The following WASHC5 variants were observed in gnomAD, a reference collection of about 807,000 sequenced individuals.
The protein encoded by WASHC5 is WASH complex subunit strumpellin.
In WASHC5, 101 loss-of-function variants were observed where a neutral mutation model predicts 150.4. The ratio of observed to expected loss-of-function variants is 0.67; its 90% CI spans 0.57 to 0.79. WASHC5 has a LOEUF of 0.79. Among genes scored for constraint, WASHC5 ranks in the 30% least tolerant of loss-of-function variants. The pLI is 0.00. For missense variants in WASHC5, 1,195 were observed against 1,396.3 expected (o/e 0.86, Z 2.30); for synonymous variants, 467 against 491.2 (o/e 0.95, Z 0.65).
At chr8:125,034,318 G>T (rs1815632199) in intron 26 of WASHC5, among the ~76,000 whole-genome samples, 1 of 152,046 alleles carries the variant, frequency 6.6e-6, no homozygotes, top group Admixed American at 6.5e-5. Context: ...TGGCCAACAT[G>T]GTGAAACCTG....
chr8:125,070,249 T>C (rs151157359), intron 9 of WASHC5, among the ~76,000 whole-genome samples: 3 of 152,248 alleles, frequency 2.0e-5, no homozygotes, highest in Non-Finnish European at 2.9e-5. Flanking sequence ...CTGAACACCA[T>C]GACTGAAATT....
rs767585789 is a variant in WASHC5, at chr8:125,063,513, A to C, written c.1408+9T>G. The C allele has an allele frequency of 3.1e-6, 5 of 1,613,474 alleles. No homozygotes were observed. Among genetic ancestry groups the C allele is most frequent in the Non-Finnish European group, 8.5e-7 (1 of 1,179,610 alleles). On this transcript the variant is annotated intron_variant, in intron 11 of 28. Transcript: ENST00000318410. ...CCAAACACACCAGTATTTCCTCTTC[A>C]GTAATTACCATTTTTCTCCACTCTG...
At chr8:125,039,516 C>A (rs914083140) in intron 24 of WASHC5, among the ~76,000 whole-genome samples, 7 of 152,138 alleles carry the variant, frequency 4.6e-5, no homozygotes, top group Non-Finnish European at 8.8e-5. Flanking sequence ...CTAATGAATT[C>A]ATTTGTTCAG....
In WASHC5 at chr8:125,056,777, A is replaced by C; in HGVS notation, c.1916T>G (p.Leu639Arg). The change falls in exon 16 of 29, where the codon CTA becomes CGA. Residue 639 changes from leucine (L) to arginine (R), a missense_variant. By Grantham distance (102) the Leu-to-Arg change is moderately radical (BLOSUM62 -2). Around this residue, in one of 3 missense-constraint regions of WASHC5, gnomAD observed 997 missense variants for 1,168.1 expected, o/e 0.85. Coordinates refer to ENST00000318410, the MANE Select transcript of WASHC5 (RefSeq NM_014846.4). ...IIPESMFTSL[L>R]KIIKLQTHDI... ...GTGGGTCTGAAGCTTTATGATCTTT[A>C]GAAGAGATGTAAACATGCTTTCTGG... The C allele has an allele frequency of 3.1e-6, 5 of 1,614,204 alleles. No individual in the cohort carries two copies. Among genetic ancestry groups the C allele is most frequent in the Non-Finnish European group, 4.2e-6 (5 of 1,180,018 alleles).
At chr8:125,041,317 A>G (rs1189490512) in intron 23 of WASHC5, among the ~76,000 whole-genome samples, 3 of 152,200 alleles carry the variant, frequency 2.0e-5, no homozygotes, top group African/African-American at 7.2e-5. Flanking sequence ...AGGTGGAAAT[A>G]AATGCATTTC....
chr8:125,030,350 A>G (rs541304420), intron 27 of WASHC5, among the ~76,000 whole-genome samples: 5 of 152,206 alleles, frequency 3.3e-5, no homozygotes, highest in African/African-American at 1.2e-4. Flanking sequence ...TTCATTTTTG[A>G]GACTTTGAGT....
intron 10 of WASHC5, 112 bp downstream of exon 10, chr8:125,067,480 A>C: frequency 1.1e-6 from 1 of 939,726 alleles, no homozygotes; most frequent in Non-Finnish European, 1.7e-6. Context: ...CAACAGCTCA[A>C]ATCTGTACCT....
At chr8:125,077,861 C>A (rs1316292885) in intron 6 of WASHC5, among the ~76,000 whole-genome samples, 1 of 152,016 alleles carries the variant, frequency 6.6e-6, no homozygotes, top group Non-Finnish European at 1.5e-5. Flanking sequence ...ATTATGGAGA[C>A]CTGGCATCTG....
intron 28 of WASHC5, among the ~76,000 whole-genome samples, chr8:125,026,527 G>A (rs770959711): frequency 6.6e-6 from 1 of 151,724 alleles, no homozygotes; most frequent in Non-Finnish European, 1.5e-5. Flanking sequence ...CTAAAATTTC[G>A]GCTAATTTAT....
intron 21 of WASHC5, 83 bp downstream of exon 21, chr8:125,044,453 G>A: frequency 7.0e-7 from 1 of 1,433,450 alleles, no homozygotes; most frequent in Non-Finnish European, 9.8e-7. Context: ...GAAAGGTTAA[G>A]TGAGTTCAAA....
In WASHC5 at chr8:125,049,208, A is replaced by C. The variant is rs1423063772; in HGVS notation, c.2200-23T>G. On this transcript the variant is annotated intron_variant, in intron 18 of 28. Transcript: ENST00000318410. Reference sequence around the variant, plus strand: ...TGGCTGTGGAAAAGGGGAAACATAAAGCTCTTACACTGGAGTAGATTGTCA... The same window carrying C: ...TGGCTGTGGAAAAGGGGAAACATAACGCTCTTACACTGGAGTAGATTGTCA... The C allele has an allele frequency of 2.5e-6, 4 of 1,613,010 alleles. No individual in the cohort carries two copies. The East Asian group carries it at 8.9e-5, about 36-fold the overall frequency.
At position 125,037,343 on chromosome 8, in the gene WASHC5, G is replaced by A. The variant is rs765050789; in HGVS notation, c.3085-10C>T. 14 of 1,467,044 alleles carry A rather than the reference G, an allele frequency of 9.5e-6. No homozygotes were observed. The highest frequency in any genetic ancestry group is 1.3e-5 in the Non-Finnish European group (14 of 1,046,138). 90.9% of individuals were successfully genotyped at this position (1,467,044 alleles called of 1,614,324 possible). A position where few individuals can be genotyped will look rare whatever the true frequency, so the allele number is the denominator to read the frequency against. On this transcript the variant is annotated splice_polypyrimidine_tract_variant and intron_variant, in intron 25 of 28. Transcript: ENST00000318410. The stretch of plus-strand genomic sequence containing the variant: ...TTGTTGTTATGTATATCTGGAAAGA[G>A]AAAGGTAAGAAAAATAGATGGTTAA...
intron 1 of WASHC5, among the ~76,000 whole-genome samples, chr8:125,090,853 C>G (rs961432467): frequency 1.1e-4 from 17 of 152,286 alleles, no homozygotes; most frequent in African/African-American, 3.8e-4. Context: ...GGTTGCTGAT[C>G]AAGATAAATG....
intron 6 of WASHC5, among the ~76,000 whole-genome samples, chr8:125,077,971 C>T (rs1817114937): frequency 6.6e-6 from 1 of 152,168 alleles, no homozygotes; most frequent in South Asian, 2.1e-4. Context: ...AAAAAACTAA[C>T]AAGCTACCTA....
At chr8:125,050,443 CA>C in intron 18 of WASHC5, 120 bp downstream of exon 18, 1 of 612,852 alleles carries the variant, frequency 1.6e-6, no homozygotes, top group Non-Finnish European at 3.0e-6. Flanking sequence ...TTGAAAATCA[CA>C]TATTTGATAT....
At chr8:125,045,152 T>C (rs1423283110) in intron 20 of WASHC5, among the ~76,000 whole-genome samples, 3 of 152,244 alleles carry the variant, frequency 2.0e-5, no homozygotes, top group Non-Finnish European at 4.4e-5. Flanking sequence ...TTTGAGACTA[T>C]GACGACAAAG....
intron 17 of WASHC5, among the ~76,000 whole-genome samples, chr8:125,054,576 G>A (rs958141585): frequency 3.3e-5 from 5 of 152,126 alleles, no homozygotes; most frequent in African/African-American, 1.2e-4. Flanking sequence ...GCTCATGCCT[G>A]TAATCCCAGC....
At chr8:125,032,145 A>G in intron 27 of WASHC5, 96 bp downstream of exon 27, 2 of 1,385,504 alleles carry the variant, frequency 1.4e-6, no homozygotes, top group Non-Finnish European at 2.0e-6. Context: ...ACCATTTCCC[A>G]TCTCTATTAG....
chr8:125,072,014 C>T (rs1004683337), intron 9 of WASHC5, among the ~76,000 whole-genome samples: 1 of 152,098 alleles, frequency 6.6e-6, no homozygotes, highest in African/African-American at 2.4e-5. Flanking sequence ...CTGGTTCTGA[C>T]ACTTCTACCT....
Sources: gnomAD v4.1 joint callset for allele counts (sites outside exome capture counted in the v4.1 genomes callset) on GRCh38, gnomAD v4.1.1 for gene constraint, gnomAD v4.1.1 regional missense constraint, MANE v1.5 for transcripts, NCBI Gene and HGNC (gene_info 2026-07-23, HGNC 2026-07-21) for gene names.